Variants in ERGIC2 observed in about 807,000 individuals in gnomAD.
The protein encoded by ERGIC2 is endoplasmic reticulum-Golgi intermediate compartment protein 2.
In ERGIC2, 31 loss-of-function variants were observed where a neutral mutation model predicts 52.5. The observed-to-expected ratio is 0.59, with a 90% CI of 0.44 to 0.80. ERGIC2 has a LOEUF of 0.80. ERGIC2 is among the 30% of genes least tolerant of loss of function. The probability of loss-of-function intolerance (pLI) is 0.00; values close to 1 mark genes in which losing one functional copy is unlikely to be tolerated. For missense variants in ERGIC2, 395 were observed against 455.2 expected (o/e 0.87, Z 1.20); for synonymous variants, 129 against 140.6 (o/e 0.92, Z 0.58).
chr12:29,364,302 G>A (rs1565542204), intron 5 of ERGIC2, among the ~76,000 whole-genome samples: 1 of 151,998 alleles, frequency 6.6e-6, no homozygotes, highest in Non-Finnish European at 1.5e-5. Context: ...AAATCAAGCT[G>A]CACACCTGCA....
At chr12:29,379,893 C>CA (rs1940562861) in intron 1 of ERGIC2, among the ~76,000 whole-genome samples, 1 of 152,034 alleles carries the variant, frequency 6.6e-6, no homozygotes, top group African/African-American at 2.4e-5. Context: ...CATCAATCCC[C>CA]AAAGAAAGAA....
At chr12:29,361,719 T>C (rs1195837279) in intron 5 of ERGIC2, 34 bp from the exon 6 acceptor site, 16 of 1,556,134 alleles carry the variant, frequency 1.0e-5, no homozygotes, top group Non-Finnish European at 1.4e-5. Context: ...ACTAGCATTG[T>C]CAAATTCTCT....
intron 8 of ERGIC2, among the ~76,000 whole-genome samples, chr12:29,353,343 G>T (rs1940158902): frequency 1.3e-5 from 2 of 152,170 alleles, no homozygotes; most frequent in Non-Finnish European, 2.9e-5. Flanking sequence ...CATATTGTCA[G>T]TCTAACAGTG....
intron 4 of ERGIC2, 111 bp from the exon 5 acceptor site, chr12:29,367,058 A>G (rs1281476052): frequency 3.9e-6 from 2 of 511,418 alleles, no homozygotes; most frequent in South Asian, 3.6e-5. Flanking sequence ...AAAAAAAAAA[A>G]AAAAACCTCA....
rs11050206 is a variant in ERGIC2 at position 29,355,551 on chromosome 12, A to C, written c.572+831T>G. Among the ~76,000 whole-genome samples, 296 of 152,264 alleles carry C rather than the reference A, an allele frequency of 1.9e-3. 8 individuals are homozygous for C. In the East Asian group the frequency reaches 0.034, roughly 18 times the overall value. ...ATCTATTTATTCATTCAAAAATTTC[A>C]CAAGTGTTTATGACAATTTCTGTGC... On this transcript the variant is annotated intron_variant, in intron 8 of 13. Transcript: ENST00000360150.
chr12:29,360,904 TAA>T (rs972710650), intron 6 of ERGIC2, among the ~76,000 whole-genome samples: 1 of 147,224 alleles, frequency 6.8e-6, no homozygotes. Flanking sequence ...GCTGATCAGT[TAA>T]AAAAAAAAGA....
intron 7 of ERGIC2, among the ~76,000 whole-genome samples, chr12:29,356,845 A>C (rs1940213415): frequency 6.6e-6 from 1 of 152,134 alleles, no homozygotes; most frequent in Non-Finnish European, 1.5e-5. Context: ...AACATGATTG[A>C]GGTAAAGGAA....
At chr12:29,365,528 T>C (rs1400907846) in intron 5 of ERGIC2, among the ~76,000 whole-genome samples, 1 of 151,784 alleles carries the variant, frequency 6.6e-6, no homozygotes, top group Non-Finnish European at 1.5e-5. Context: ...GGTGATGGGA[T>C]CAATCATAAC....
chr12:29,361,521 C>A lies in ERGIC2; in HGVS notation c.374+124G>T, dbSNP rs538097067. On this transcript the variant is annotated intron_variant, in intron 6 of 13. Transcript: ENST00000360150. ...GAAATTGTAAGGATTATATTATATACCAAATTCTGCTAAGAATTCATCCAA... is the reference window on the plus strand; with the variant it reads ...GAAATTGTAAGGATTATATTATATAACAAATTCTGCTAAGAATTCATCCAA... 1.5e-5 allele frequency: 9 copies of A among 610,296 alleles called. No individual in the cohort carries two copies. In the South Asian group the frequency reaches 3.8e-4, roughly 26 times the overall value. 37.8% of individuals were successfully genotyped at this position (610,296 alleles called of 1,614,324 possible).
At chr12:29,370,333 T>C in intron 2 of ERGIC2, 111 bp from the exon 3 acceptor site, 7 of 1,227,678 alleles carry the variant, frequency 5.7e-6, no homozygotes, top group Non-Finnish European at 7.5e-6. Flanking sequence ...CCTAATAATG[T>C]AACTTCCATT....
In ERGIC2 at chr12:29,343,175, G is replaced by C. The variant is rs1398668966; in HGVS notation, c.933C>G (p.Phe311Leu). 1 of 1,611,526 alleles carries C rather than the reference G, an allele frequency of 6.2e-7. No homozygotes were observed. Among genetic ancestry groups the C allele is most frequent in the Non-Finnish European group, 8.5e-7 (1 of 1,178,336 alleles). Residue 311 changes from phenylalanine (F) to leucine (L), a missense_variant, in exon 12 of 14, where the codon TTC (phenylalanine) becomes TTG (leucine). Phe to Leu is a conservative substitution (Grantham distance 22). Coordinates refer to ENST00000360150, the MANE Select transcript of ERGIC2 (RefSeq NM_016570.3). ...CACAGAGTCTTACAAAAAACTGCCA[G>C]AATGGCATGTGCTCCTCAGTAACTG... is the stretch of plus-strand genomic sequence containing the variant. The part of the protein sequence containing the change: ...MVTVTEEHMP[F>L]WQFFVRLCGI...
intron 8 of ERGIC2, among the ~76,000 whole-genome samples, chr12:29,354,844 T>C (rs966434332): frequency 6.6e-6 from 1 of 152,192 alleles, no homozygotes; most frequent in Non-Finnish European, 1.5e-5. Context: ...ATTGTTTGTA[T>C]CCAAAGGTGC....
intron 10 of ERGIC2, among the ~76,000 whole-genome samples, chr12:29,347,428 G>A (rs1218720333): frequency 1.3e-5 from 2 of 152,214 alleles, no homozygotes; most frequent in East Asian, 1.9e-4. Flanking sequence ...AAAGATAATC[G>A]CTTAGCTCAC....
intron 7 of ERGIC2, among the ~76,000 whole-genome samples, chr12:29,356,959 T>C (rs1940214785): frequency 1.3e-5 from 2 of 151,872 alleles, no homozygotes; most frequent in Admixed American, 1.3e-4. Flanking sequence ...TTTCCAAATA[T>C]CCACGAATCT....
intron 3 of ERGIC2, 124 bp from the exon 4 acceptor site, chr12:29,368,411 G>A (rs772438995): frequency 3.5e-6 from 2 of 576,846 alleles, no homozygotes; most frequent in Non-Finnish European, 3.1e-6. Context: ...ATTAGAACTT[G>A]AATTGCATTT....
At chr12:29,368,309 A>T (rs1461425976) in intron 3 of ERGIC2, 22 bp from the exon 4 acceptor site, 1 of 1,239,612 alleles carries the variant, frequency 8.1e-7, no homozygotes, top group Non-Finnish European at 1.2e-6. Flanking sequence ...AATATTAAAC[A>T]TTAGTACCTA....
chr12:29,362,298 G>A (rs1033865181), intron 5 of ERGIC2, among the ~76,000 whole-genome samples: 83 of 152,158 alleles, frequency 5.5e-4, no homozygotes, highest in African/African-American at 1.8e-3. Context: ...CTTTTCGGCC[G>A]GGCATGGTGG....
chr12:29,346,749 CAA>C (rs1940057576), intron 10 of ERGIC2, among the ~76,000 whole-genome samples: 1 of 152,096 alleles, frequency 6.6e-6, no homozygotes, highest in Non-Finnish European at 1.5e-5. Flanking sequence ...AAGTTTGACA[CAA>C]GTTTTAAATA....
chr12:29,350,105 T>C, intron 8 of ERGIC2, 37 bp from the exon 9 acceptor site: 2 of 1,183,396 alleles, frequency 1.7e-6, no homozygotes, highest in Non-Finnish European at 2.5e-6. Context: ...AGTAGTACCA[T>C]TTATATGTAT....
Sources: allele counts gnomAD v4.1 joint callset (sites outside exome capture counted in the v4.1 genomes callset), GRCh38; gene constraint gnomAD v4.1.1; transcripts MANE v1.5; gene names NCBI Gene and HGNC (gene_info 2026-07-23, HGNC 2026-07-21).